Variants in TBC1D5 observed in about 807,000 individuals in gnomAD.
TBC1D5 encodes TBC1 domain family, member 5.
Under a neutral mutation model 100.3 loss-of-function variants are expected in TBC1D5, and 75 were observed. The observed-to-expected ratio is 0.75, with a 90% confidence interval of 0.62 to 0.91. TBC1D5 has a LOEUF of 0.91. TBC1D5 is among the 40% of genes least tolerant of loss of function. The probability of loss-of-function intolerance (pLI) is 0.00; values close to 1 mark genes in which losing one functional copy is unlikely to be tolerated. For synonymous variants in TBC1D5, 323 were observed against 325.6 expected, an observed-to-expected ratio of 0.99 and a Z score of 0.09; for missense variants, 910 against 942.4, an observed-to-expected ratio of 0.97 and a Z score of 0.45.
intron 16 of TBC1D5, among the ~76,000 whole-genome samples, chr3:17,253,834 A>G (rs1247099254): frequency 6.6e-6 from 1 of 152,202 alleles, no homozygotes; most frequent in East Asian, 1.9e-4. Context: ...CTTGAACAAC[A>G]CAGGTTTGAA....
chr3:17,472,874 T>C (rs1038123033), intron 3 of TBC1D5, among the ~76,000 whole-genome samples: 4 of 152,218 alleles, frequency 2.6e-5, no homozygotes, highest in Admixed American at 2.6e-4. Context: ...ATAGACCTAT[T>C]ACATTCTAAA....
intron 8 of TBC1D5, among the ~76,000 whole-genome samples, chr3:17,386,992 T>C (rs1320542092): frequency 6.6e-5 from 10 of 152,118 alleles, no homozygotes; most frequent in Admixed American, 6.6e-4. Context: ...ACATAGCATA[T>C]CTATGAAACA....
chr3:17,595,701 T>C (rs931996991), intron 2 of TBC1D5, among the ~76,000 whole-genome samples: 3 of 116,228 alleles, frequency 2.6e-5, no homozygotes, highest in Non-Finnish European at 5.6e-5. Context: ...AAGCAAGTGA[T>C]AAAAGTCATA....
chr3:17,167,890 A>G (rs1312434210), intron 19 of TBC1D5, 62 bp from the exon 21 acceptor site: 2 of 1,197,040 alleles, frequency 1.7e-6, no homozygotes, highest in Non-Finnish European at 2.4e-6. Context: ...CTGCTGCCAC[A>G]TCATAACTTC....
At chr3:17,536,943 A>T in intron 2 of TBC1D5, among the ~76,000 whole-genome samples, 1 of 152,162 alleles carries the variant, frequency 6.6e-6, no homozygotes, top group East Asian at 1.9e-4. Flanking sequence ...GCAGCCTTCT[A>T]AGAAAATATA....
At chr3:17,672,755 T>C (rs758656545) in intron 1 of TBC1D5, 15 of 152,208 alleles carry the variant, frequency 9.9e-5, no homozygotes, top group Non-Finnish European at 1.9e-4. Flanking sequence ...AATACTGCTC[T>C]AGTGGCATCA....
intron 1 of TBC1D5, among the ~76,000 whole-genome samples, chr3:17,651,041 A>G (rs1012241178): frequency 1.1e-4 from 16 of 152,230 alleles, no homozygotes; most frequent in African/African-American, 3.9e-4. Flanking sequence ...ATAGCTGCAT[A>G]TCATTTTCCT....
At chr3:17,173,814 G>A (rs528555906) in intron 19 of TBC1D5, among the ~76,000 whole-genome samples, 130 of 152,272 alleles carry the variant, frequency 8.5e-4, no homozygotes, top group African/African-American at 3.0e-3. Flanking sequence ...AAAATAGAGA[G>A]GTGGGATTAA....
intron 13 of TBC1D5, among the ~76,000 whole-genome samples, chr3:17,357,580 C>T (rs2091331215): frequency 6.6e-6 from 1 of 151,960 alleles, no homozygotes; most frequent in Admixed American, 6.6e-5. Context: ...TATATGGGGA[C>T]TGACATCACT....
chr3:17,705,305 C>G (rs1213328586), intron 1 of TBC1D5, among the ~76,000 whole-genome samples: 1 of 111,948 alleles, frequency 8.9e-6, no homozygotes, highest in Non-Finnish European at 1.9e-5. Flanking sequence ...CTGACCCCCC[C>G]ACCTCCCTCC....
chr3:17,386,985 T>C (rs571471908), intron 8 of TBC1D5, among the ~76,000 whole-genome samples: 1 of 152,118 alleles, frequency 6.6e-6, no homozygotes, highest in African/African-American at 2.4e-5. Context: ...TATGCAGACA[T>C]AGCATATCTA....
At chr3:17,726,510 T>C (rs1474528784) in intron 1 of TBC1D5, among the ~76,000 whole-genome samples, 2 of 152,248 alleles carry the variant, frequency 1.3e-5, no homozygotes, top group Non-Finnish European at 2.9e-5. Context: ...ATGTATGTCT[T>C]CTTTTGAAAA....
At chr3:17,695,872 A>G (rs2071977191) in intron 1 of TBC1D5, among the ~76,000 whole-genome samples, 1 of 152,222 alleles carries the variant, frequency 6.6e-6, no homozygotes, top group Non-Finnish European at 1.5e-5. Flanking sequence ...AGCAAATGTA[A>G]AAGAACATAA....
chr3:17,200,535 T>C (rs929247939), intron 18 of TBC1D5, among the ~76,000 whole-genome samples: 1 of 152,268 alleles, frequency 6.6e-6, no homozygotes, highest in Admixed American at 6.5e-5. Flanking sequence ...GGAACCTGTT[T>C]GATCCTGAAA....
At chr3:17,529,972 G>A (rs1368629136) in intron 2 of TBC1D5, among the ~76,000 whole-genome samples, 3 of 152,096 alleles carry the variant, frequency 2.0e-5, no homozygotes, top group South Asian at 2.1e-4. Flanking sequence ...GCCTGGGCAC[G>A]GTGCCTCACA....
chr3:17,228,654 T>C (rs1382323459), intron 17 of TBC1D5, among the ~76,000 whole-genome samples: 3 of 151,902 alleles, frequency 2.0e-5, no homozygotes, highest in African/African-American at 7.3e-5. Flanking sequence ...TATTAAGTCA[T>C]GTGCCCTGGT....
chr3:17,330,515 C>T (rs1210403148), intron 13 of TBC1D5, among the ~76,000 whole-genome samples: 5 of 151,988 alleles, frequency 3.3e-5, no homozygotes, highest in Non-Finnish European at 1.5e-5. Context: ...CTGCCATTTC[C>T]CACCATCATT....
rs146391519 is a variant in TBC1D5 at position 17,270,959 on chromosome 3, G to C, written c.1246-12368C>G. The stretch of plus-strand genomic sequence containing the variant: ...GTCTTATTTCTGAGTTCTCTATTCT[G>C]TTCCATTGGCTTATGTGTTTGTTTT... On this transcript the variant is annotated intron_variant, in intron 15 of 21. Coordinates refer to ENST00000253692, the Ensembl canonical transcript of TBC1D5. Among the ~76,000 whole-genome samples the C allele has an allele frequency of 2.2e-3, 342 of 152,164 alleles. 1 individual carries two copies. Among genetic ancestry groups the C allele is most frequent in the Middle Eastern group, 3.4e-3 (1 of 294 alleles).
At chr3:17,372,662 T>C (rs1009708222) in intron 12 of TBC1D5, among the ~76,000 whole-genome samples, 1 of 152,148 alleles carries the variant, frequency 6.6e-6, no homozygotes, top group Admixed American at 6.6e-5. Context: ...AGTTATAAAA[T>C]ACAAAATGAC....
Sources: gnomAD v4.1 joint callset for allele counts (sites outside exome capture counted in the v4.1 genomes callset) on GRCh38, gnomAD v4.1.1 for gene constraint, MANE v1.5 for transcripts, NCBI Gene and HGNC (gene_info 2026-07-23, HGNC 2026-07-21) for gene names.